ADAM19: variants seen among roughly 807,000 people sequenced by gnomAD.
ADAM19 encodes ADAM metallopeptidase domain 19.
In ADAM19, 65 loss-of-function variants were observed where a neutral mutation model predicts 114.7. The observed-to-expected ratio is 0.57, with a 90% CI of 0.46 to 0.70. The LOEUF (loss-of-function observed/expected upper bound fraction) is 0.70, where lower values mean the gene tolerates loss of function less well. Ranked by LOEUF, ADAM19 falls within the 30% of genes least tolerant of loss-of-function variation. The probability of loss-of-function intolerance (pLI) is 0.00; values close to 1 mark genes in which losing one functional copy is unlikely to be tolerated. For synonymous variants in ADAM19, 466 were observed against 460.5 expected (o/e 1.01, Z -0.15); for missense variants, 1,063 against 1,204.7 (o/e 0.88, Z 1.74).
At chr5:157,546,680 T>C (rs1757059946) in intron 3 of ADAM19, among the ~76,000 whole-genome samples, 1 of 152,198 alleles carries the variant, frequency 6.6e-6, no homozygotes, top group African/African-American at 2.4e-5. Context: ...GCAGCCATTA[T>C]AGCTCCTTGG....
At chr5:157,537,829 A>G in intron 4 of ADAM19, 84 bp downstream of exon 4, 4 of 1,276,880 alleles carry the variant, frequency 3.1e-6, no homozygotes, top group Non-Finnish European at 4.5e-6. Context: ...GGAGAGACCA[A>G]CTCCATCAGG....
At chr5:157,542,784 G>A (rs1756951790) in intron 3 of ADAM19, among the ~76,000 whole-genome samples, 1 of 152,214 alleles carries the variant, frequency 6.6e-6, no homozygotes, top group Admixed American at 6.5e-5. Flanking sequence ...CAGCCTGAGT[G>A]ACAGAGCCAG....
chr5:157,572,597 A>C (rs1003704205), intron 1 of ADAM19, among the ~76,000 whole-genome samples: 1 of 152,248 alleles, frequency 6.6e-6, no homozygotes, highest in Admixed American at 6.5e-5. Flanking sequence ...GTCAACATAG[A>C]TTTTAAAAAT....
At chr5:157,494,259 G>GGATA (rs1313394635) in intron 15 of ADAM19, among the ~76,000 whole-genome samples, 2 of 142,348 alleles carry the variant, frequency 1.4e-5, no homozygotes, top group African/African-American at 2.7e-5. Flanking sequence ...GTAGATGGAT[G>GGATA]GATAGATGGA....
intron 1 of ADAM19, among the ~76,000 whole-genome samples, chr5:157,575,310 GA>G (rs1190527660): frequency 6.6e-6 from 1 of 152,244 alleles, no homozygotes; most frequent in Non-Finnish European, 1.5e-5. Flanking sequence ...GAGAACGGCG[GA>G]AAGAGAAGCC....
chr5:157,533,807 A>AT (rs1756689059), intron 4 of ADAM19, among the ~76,000 whole-genome samples: 1 of 151,988 alleles, frequency 6.6e-6, no homozygotes, highest in African/African-American at 2.4e-5. Context: ...GTCTTTACTA[A>AT]ATATACAAAA....
intron 3 of ADAM19, among the ~76,000 whole-genome samples, chr5:157,544,365 A>G (rs985576440): frequency 2.6e-5 from 4 of 152,294 alleles, no homozygotes; most frequent in Admixed American, 2.6e-4. Context: ...ACTCCCTTTC[A>G]CCAACCACTT....
intron 2 of ADAM19, among the ~76,000 whole-genome samples, chr5:157,567,573 G>A (rs759214720): frequency 2.0e-5 from 3 of 152,228 alleles, no homozygotes; most frequent in African/African-American, 4.8e-5. Flanking sequence ...CAAGGTGGGC[G>A]GATCCCTGGA....
chr5:157,551,059 C>T (rs950371880), intron 3 of ADAM19, among the ~76,000 whole-genome samples: 4 of 152,002 alleles, frequency 2.6e-5, no homozygotes, highest in Non-Finnish European at 5.9e-5. Flanking sequence ...AAACTAGGCC[C>T]CTATCTCTCA....
At chr5:157,500,425 C>A (rs563564219) in intron 12 of ADAM19, among the ~76,000 whole-genome samples, 4 of 152,130 alleles carry the variant, frequency 2.6e-5, no homozygotes, top group African/African-American at 9.7e-5. Flanking sequence ...ATATAACATG[C>A]GTATTTCTCC....
At chr5:157,561,031 T>C (rs1236114880) in intron 3 of ADAM19, among the ~76,000 whole-genome samples, 2 of 152,100 alleles carry the variant, frequency 1.3e-5, no homozygotes, top group Non-Finnish European at 2.9e-5. Flanking sequence ...GGCTACAAGG[T>C]AGTAAGTGGC....
At position 157,511,247 on chromosome 5, in the gene ADAM19, T is replaced by A. The variant is rs528001277; in HGVS notation, c.739-1780A>T. ...TAATGAGCAGGAGATACCATCTTTA[T>A]CCAAAATTGGTAGGTACTGCCCCAG... On this transcript the variant is annotated intron_variant, in intron 8 of 22. Transcript: ENST00000257527. Among the ~76,000 whole-genome samples, 9 of 152,308 alleles carry A rather than the reference T, an allele frequency of 5.9e-5. No homozygotes were observed. The South Asian group carries it at 1.9e-3, about 32-fold the overall frequency.
At position 157,477,363 on chromosome 5, in the gene ADAM19, C is replaced by A; in HGVS notation, c.*3586G>T. On this transcript the variant is annotated 3_prime_UTR_variant, in exon 23 of 23. Transcript: ENST00000257527. ...TAAATACTAACAAGGAAAAAAGGCA[C>A]CATGGCCCATTCAAGTATTTTGCAT... is the stretch of plus-strand genomic sequence containing the variant. 2.0e-6 allele frequency: 2 copies of A among 998,938 alleles called. No individual in the cohort carries two copies. Among genetic ancestry groups the A allele is most frequent in the Non-Finnish European group, 1.2e-6 (1 of 837,208 alleles). 61.9% of individuals were successfully genotyped at this position (998,938 alleles called of 1,614,324 possible).
chr5:157,573,959 T>C (rs1757899349), intron 1 of ADAM19, among the ~76,000 whole-genome samples: 2 of 152,228 alleles, frequency 1.3e-5, no homozygotes, highest in Non-Finnish European at 2.9e-5. Flanking sequence ...ATGAGTTGAA[T>C]AAATCTTGGC....
chr5:157,539,169 A>G (rs1025631362), intron 3 of ADAM19, among the ~76,000 whole-genome samples: 86 of 151,498 alleles, frequency 5.7e-4, no homozygotes, highest in Admixed American at 1.4e-3. Flanking sequence ...AAAAAAAAAA[A>G]AGAGAGAGAG....
chr5:157,525,973 T>C, intron 5 of ADAM19, among the ~76,000 whole-genome samples: 1 of 152,168 alleles, frequency 6.6e-6, no homozygotes, highest in East Asian at 1.9e-4. Context: ...GGATGATTTA[T>C]TGCATACCTC....
intron 7 of ADAM19, among the ~76,000 whole-genome samples, chr5:157,516,574 G>C (rs75073726): frequency 3.1e-3 from 465 of 152,232 alleles, no homozygotes; most frequent in African/African-American, 0.011. Flanking sequence ...AGGCCAAAGG[G>C]GAGAAACACC....
chr5:157,518,271 T>C (rs1756151563), intron 7 of ADAM19, among the ~76,000 whole-genome samples: 1 of 140,454 alleles, frequency 7.1e-6, no homozygotes, highest in South Asian at 2.2e-4. Flanking sequence ...TCTATGTGAC[T>C]GATGTAACAA....
chr5:157,490,850 C>T (rs1755128768), intron 18 of ADAM19, among the ~76,000 whole-genome samples: 3 of 150,874 alleles, frequency 2.0e-5, no homozygotes, highest in Non-Finnish European at 4.4e-5. Context: ...CGAGATCACA[C>T]CACTGCACTC....
Sources: gnomAD v4.1 joint callset for allele counts (sites outside exome capture counted in the v4.1 genomes callset) on GRCh38, gnomAD v4.1.1 for gene constraint, MANE v1.5 for transcripts, NCBI Gene and HGNC (gene_info 2026-07-23, HGNC 2026-07-21) for gene names.